Variants in CDC42SE1 observed in about 807,000 individuals in gnomAD.
The protein encoded by CDC42SE1 is CDC42 small effector 1, also known as CDC42 small effector protein 1.
CDC42SE1 carries 10 observed loss-of-function variants against 10.9 expected under a neutral mutation model. That is an observed-to-expected ratio of 0.92 (90% CI 0.57 to 1.56). The LOEUF is 1.56. CDC42SE1 is among the 40% of genes most tolerant of loss of function. CDC42SE1 has a pLI of 0.00. For synonymous variants in CDC42SE1, 24 were observed against 32.0 expected (o/e 0.75, Z 0.85); for missense variants, 81 against 100.8 (o/e 0.80, Z 0.84).
At chr1:151,053,599 AG>A (rs1329473788) in intron 4 of CDC42SE1, among the ~76,000 whole-genome samples, 1 of 152,034 alleles carries the variant, frequency 6.6e-6, no homozygotes, top group Non-Finnish European at 1.5e-5. Context: ...CTTCGGCCTC[AG>A]CCGCCTGAGT....
intron 2 of CDC42SE1, chr1:151,055,385 T>C (rs970762762): frequency 4.2e-5 from 25 of 595,100 alleles, no homozygotes; most frequent in African/African-American, 3.0e-4. Context: ...CAAAGTCACC[T>C]CTGACTGATG....
At chr1:151,056,561 CCTCT>C (rs1369014333) in intron 1 of CDC42SE1, 1 of 152,152 alleles carries the variant, frequency 6.6e-6, no homozygotes, top group Non-Finnish European at 1.5e-5. Context: ...GAATTTCTTC[CCTCT>C]CTGTTTGCTG....
At position 151,057,045 on chromosome 1, in the gene CDC42SE1, C is replaced by T. The variant is rs988247876; in HGVS notation, c.-263-1052G>A. 6.6e-6 allele frequency among the ~76,000 whole-genome samples: 1 copy of T among 152,182 alleles called. No homozygotes were observed. Among genetic ancestry groups the T allele is most frequent in the Non-Finnish European group, 1.5e-5 (1 of 68,038 alleles). On this transcript the variant is annotated intron_variant, in intron 1 of 4. Coordinates refer to ENST00000357235, the MANE Select transcript of CDC42SE1 (RefSeq NM_020239.4). This position sits in a 1 kb window ranked among gnomAD's most constrained non-coding sequence, Gnocchi z 4.0. ...CTTCCTCCCTTCTCACTACTGCCAGCCAGGGTAGGACACATCTGGGTTTCT... is the reference window on the plus strand; with the variant it reads ...CTTCCTCCCTTCTCACTACTGCCAGTCAGGGTAGGACACATCTGGGTTTCT...
In CDC42SE1 at chr1:151,051,016, T is replaced by C. The variant is rs1676165831; in HGVS notation, c.*2328A>G. 2 of 152,298 alleles carry C rather than the reference T, an allele frequency of 1.3e-5. No individual in the cohort carries two copies. The highest frequency in any genetic ancestry group is 1.3e-4 in the Admixed American group (2 of 15,278). 9.4% of individuals were successfully genotyped at this position (152,298 alleles called of 1,614,324 possible). ...TTAATTTTTTATTTGAAAAAATGTA[T>C]TTAAAAGTCCAACAACTTTTTAATA... On this transcript the variant is annotated 3_prime_UTR_variant, in exon 5 of 5. Coordinates refer to ENST00000357235, the MANE Select transcript of CDC42SE1 (RefSeq NM_020239.4).
chr1:151,054,250 TA>T lies in CDC42SE1; in HGVS notation c.236del (p.Leu79TyrfsTer12). 1 of 1,611,076 alleles carries T rather than the reference TA, an allele frequency of 6.2e-7. No homozygotes were observed. The highest frequency in any genetic ancestry group is 8.5e-7 in the Non-Finnish European group (1 of 1,177,294). On this transcript the variant is annotated frameshift_variant, in exon 4 of 5. Transcript: ENST00000357235. LOFTEE classifies it high-confidence loss of function. ...ACTCACCATTCCATTATTGGAGCTA[TA>T]AGCCCCTAGAATTGCTCCATGGCCT... ...RDRPWSNSRG[L>X] is the part of the protein sequence containing the mutation.
Position 151,055,139 on chromosome 1 carries a change from G to C in CDC42SE1, c.55-13C>G, listed in dbSNP as rs369411943. ...TTCTCTTCTTCTTCTGCTTGGAGAA[G>C]ATAAGGAGTCATGTCTTAAGGCCCC... On this transcript the variant is annotated splice_polypyrimidine_tract_variant and intron_variant, in intron 2 of 4. Transcript: ENST00000357235. 1 of 1,598,826 alleles carries C rather than the reference G, an allele frequency of 6.3e-7. No individual in the cohort carries two copies. The highest frequency in any genetic ancestry group is 1.3e-5 in the African/African-American group (1 of 74,370).
Position 151,051,393 on chromosome 1 carries a change from G to GAAGA in CDC42SE1, c.*1950_*1951insTCTT, listed in dbSNP as rs1676176879. 2.9e-5 allele frequency: 1 copy of GAAGA among 34,100 alleles called. No homozygotes were observed. Among genetic ancestry groups the GAAGA allele is most frequent in the African/African-American group, 1.4e-4 (1 of 7,386 alleles). The allele number at this position is 34,100 out of a possible 1,614,324, so 2.1% of individuals were successfully genotyped here. A position where few individuals can be genotyped will look rare whatever the true frequency, so the allele number is the denominator to read the frequency against. ...AATGGCAGAAAATACATGGAAATTTGAAAAAAAAAAAAAAAAAAAAAAAAA... is the reference window on the plus strand; with the variant it reads ...AATGGCAGAAAATACATGGAAATTTGAAGAAAAAAAAAAAAAAAAAAAAAAAAAA... On this transcript the variant is annotated 3_prime_UTR_variant, in exon 5 of 5. Transcript: ENST00000357235.
In CDC42SE1 at chr1:151,052,334, C is replaced by G. The variant is rs1676198537; in HGVS notation, c.*1010G>C. Reference sequence around the variant, plus strand: ...CCTTGTTCTAGAGCCTCTCCCTGCTCCCGTGCTGTGAGGATCTTAAGACTC... The same window carrying G: ...CCTTGTTCTAGAGCCTCTCCCTGCTGCCGTGCTGTGAGGATCTTAAGACTC... On this transcript the variant is annotated 3_prime_UTR_variant, in exon 5 of 5. Transcript: ENST00000357235. The G allele has an allele frequency of 6.6e-6, 1 of 152,566 alleles. No homozygotes were observed. The highest frequency in any genetic ancestry group is 1.5e-5 in the Non-Finnish European group (1 of 68,048). 9.5% of individuals were successfully genotyped at this position (152,566 alleles called of 1,614,324 possible). A position where few individuals can be genotyped will look rare whatever the true frequency, so the allele number is the denominator to read the frequency against.
chr1:151,054,529 T>C (rs1676244130), intron 3 of CDC42SE1, among the ~76,000 whole-genome samples: 1 of 152,192 alleles, frequency 6.6e-6, no homozygotes. Context: ...TTACTAATAA[T>C]ATTCCCTCAC....
chr1:151,054,180 T>C, intron 4 of CDC42SE1, 51 bp downstream of exon 4: 2 of 1,147,360 alleles, frequency 1.7e-6, no homozygotes, highest in Non-Finnish European at 2.6e-6. Flanking sequence ...GGGTATCAGG[T>C]TGTGCTGTTA....
intron 1 of CDC42SE1, 99 bp from the exon 2 acceptor site, chr1:151,056,092 C>A: frequency 3.2e-6 from 1 of 308,504 alleles, no homozygotes; most frequent in South Asian, 3.5e-5. Flanking sequence ...CCCAGTCCTC[C>A]CTGAGAGGCC....
Position 151,054,291 on chromosome 1 carries a change from T to A in CDC42SE1, c.196A>T (p.Lys66Ter). The stretch of plus-strand genomic sequence containing the variant: ...CTCCATGGCCTATCTCGGTTTCCCT[T>A]GGATCTCATCTGCTCCTGAACTGCA... ...TGAVQEQMRS[K>*]GNRDRPWSNS... The change falls in exon 4 of 5, where the codon AAG (lysine) becomes TAG (stop). Residue 66 changes from lysine to a stop codon, truncating the protein, a stop_gained. Coordinates refer to ENST00000357235, the MANE Select transcript of CDC42SE1 (RefSeq NM_020239.4). LOFTEE classifies it high-confidence loss of function. 1 of 1,613,922 alleles carries A rather than the reference T, an allele frequency of 6.2e-7. No homozygotes were observed. The highest frequency in any genetic ancestry group is 8.5e-7 in the Non-Finnish European group (1 of 1,179,886).
At position 151,055,711 on chromosome 1, in the gene CDC42SE1, T is replaced by G; in HGVS notation, c.20A>C (p.Lys7Thr). The G allele has an allele frequency of 6.2e-7, 1 of 1,613,648 alleles. No homozygotes were observed. Among genetic ancestry groups the G allele is most frequent in the Non-Finnish European group, 8.5e-7 (1 of 1,179,712 alleles). Residue 7 changes from lysine (K) to threonine (T), a missense_variant, in exon 2 of 5, where the codon AAA becomes ACA. Lys to Thr is a moderately conservative substitution (Grantham distance 78). Transcript: ENST00000357235. MSEFWHKLGCCVVEKPQ... is the reference protein window; with the variant it reads MSEFWHTLGCCVVEKPQ... ...TTTCTCTACCACACAGCAGCCCAGT[T>G]TGTGCCAAAATTCACTCATGTTCCC...
intron 3 of CDC42SE1, 30 bp from the exon 4 acceptor site, chr1:151,054,351 G>A (rs770008306): frequency 9.1e-6 from 14 of 1,542,848 alleles, no homozygotes; most frequent in East Asian, 2.2e-5. Flanking sequence ...AGACACCTTC[G>A]TAAGTCTTCA....
chr1:151,055,121 C>T lies in CDC42SE1; in HGVS notation c.60G>A (p.Lys20=), dbSNP rs765134749. 9 of 1,612,116 alleles carry T rather than the reference C, an allele frequency of 5.6e-6. No individual in the cohort carries two copies. The highest frequency in any genetic ancestry group is 7.6e-6 in the Non-Finnish European group (9 of 1,178,834). The change falls in exon 3 of 5, where the codon AAG becomes AAA. Residue 20 remains lysine, a synonymous_variant. Transcript: ENST00000357235. ...CCVVEKPQPK[K]KRRRIDRTMI... is the part of the protein sequence containing the mutation. ...TGGTCCGGTCAATCCGTCTTCTCTT[C>T]TTCTTCTGCTTGGAGAAGATAAGGA...
rs951507090 is a variant in CDC42SE1, at chr1:151,052,061, A to T, written c.*1283T>A. Reference sequence around the variant, plus strand: ...GCTCGGGCTTAAGATGAGTAAGATGATGAGGGTAGCGTGCCAAGCAGAAAT... The same window carrying T: ...GCTCGGGCTTAAGATGAGTAAGATGTTGAGGGTAGCGTGCCAAGCAGAAAT... On this transcript the variant is annotated 3_prime_UTR_variant, in exon 5 of 5. Coordinates refer to ENST00000357235, the MANE Select transcript of CDC42SE1 (RefSeq NM_020239.4). 1 of 152,158 alleles carries T rather than the reference A, an allele frequency of 6.6e-6. No homozygotes were observed. The highest frequency in any genetic ancestry group is 1.5e-5 in the Non-Finnish European group (1 of 68,036). 9.4% of individuals were successfully genotyped at this position (152,158 alleles called of 1,614,324 possible).
chr1:151,058,455 T>C (rs750497074), intron 1 of CDC42SE1: 1 of 150,872 alleles, frequency 6.6e-6, no homozygotes, highest in Non-Finnish European at 1.5e-5. Flanking sequence ...AGAGAGTGGG[T>C]TGAGGAAAAA....
intron 4 of CDC42SE1, 112 bp downstream of exon 4, chr1:151,054,119 C>A (rs1676236283): frequency 2.7e-6 from 2 of 743,944 alleles, no homozygotes; most frequent in Admixed American, 2.0e-5. Context: ...GCATAAGCCA[C>A]CATGCCCGGC....
rs1235746368 is a variant in CDC42SE1 at position 151,052,581 on chromosome 1, TTAAC to T, written c.*759_*762del. ...ATCAGGTGAAGAGCTACCTCTTACC[TTAAC>T]TCTTATTCGGTGGGAAACAAGGTTC... On this transcript the variant is annotated 3_prime_UTR_variant, in exon 5 of 5. Coordinates refer to ENST00000357235, the MANE Select transcript of CDC42SE1 (RefSeq NM_020239.4). 2.0e-5 allele frequency: 3 copies of T among 152,592 alleles called. No homozygotes were observed. The highest frequency in any genetic ancestry group is 2.0e-4 in the Admixed American group (3 of 15,270). 9.5% of individuals were successfully genotyped at this position (152,592 alleles called of 1,614,324 possible).
Sources: gnomAD v4.1 joint callset for allele counts (sites outside exome capture counted in the v4.1 genomes callset) on GRCh38, gnomAD v4.1.1 for gene constraint, Gnocchi (gnomAD v3.1) non-coding constraint, MANE v1.5 for transcripts, NCBI Gene and HGNC (gene_info 2026-07-23, HGNC 2026-07-21) for gene names.